Variants in SIAH3 observed in about 807,000 individuals in gnomAD.
SIAH3 encodes siah E3 ubiquitin protein ligase family member 3, also known as seven in absentia homolog 3.
Under a neutral mutation model 12.6 loss-of-function variants are expected in SIAH3, and 9 were observed. That is an observed-to-expected ratio of 0.72 (90% CI 0.43 to 1.25). SIAH3 has a LOEUF of 1.25. SIAH3 is among the 50% of genes most tolerant of loss of function. The pLI is 0.00. For synonymous variants in SIAH3, 154 were observed against 151.1 expected (o/e 1.02, Z -0.14); for missense variants, 390 against 365.4 (o/e 1.07, Z -0.55).
At chr13:45,830,850 G>A (rs190484158) in intron 1 of SIAH3, among the ~76,000 whole-genome samples, 32 of 152,140 alleles carry the variant, frequency 2.1e-4, no homozygotes, top group Non-Finnish European at 4.4e-4. Context: ...GGCAGAGGAA[G>A]GTATTTTGGG....
intron 1 of SIAH3, among the ~76,000 whole-genome samples, chr13:45,833,051 G>C (rs958923482): frequency 6.6e-6 from 1 of 152,132 alleles, no homozygotes; most frequent in African/African-American, 2.4e-5. Flanking sequence ...AGACAGAGGT[G>C]GGGGGAAACT....
At chr13:45,830,832 CAA>C (rs35603195) in intron 1 of SIAH3, among the ~76,000 whole-genome samples, 101,193 of 151,612 alleles carry the variant, frequency 0.67, 35,266 homozygotes, top group East Asian at 0.94. Context: ...AAGTACTAAC[CAA>C]AAAAAGGCAG....
rs1950498008 is a variant in SIAH3 at position 45,780,058 on chromosome 13, AG to A, written c.*3324del. On this transcript the variant is annotated 3_prime_UTR_variant, in exon 2 of 2. Transcript: ENST00000400405. ...CTGTCTCTCTAGGCCTTCTTTTAAA[AG>A]GCAATTACTCCTTAGAGAGTGAGTC... is the stretch of plus-strand genomic sequence containing the variant. 1 of 152,180 alleles carries A rather than the reference AG, an allele frequency of 6.6e-6. No homozygotes were observed. The highest frequency in any genetic ancestry group is 1.5e-5 in the Non-Finnish European group (1 of 68,016). The allele number at this position is 152,180 out of a possible 1,614,324, so 9.4% of individuals were successfully genotyped here. A position where few individuals can be genotyped will look rare whatever the true frequency, so the allele number is the denominator to read the frequency against.
At position 45,783,532 on chromosome 13, in the gene SIAH3, C is replaced by G. The variant is rs989075418; in HGVS notation, c.661G>C (p.Val221Leu). ...ATCACCGAGTCCACGCACTCAAGAA[C>G]AGACCGGGGCGTGGCCTCCCACTTG... ...RLKWEATPRS[V>L]LECVDSVITD... The change falls in exon 2 of 2, where the codon GTT becomes CTT. Residue 221 changes from valine (V) to leucine (L), a missense_variant. Val to Leu is a conservative substitution (Grantham distance 32). Coordinates refer to ENST00000400405, the MANE Select transcript of SIAH3 (RefSeq NM_198849.3). 3 of 1,614,246 alleles carry G rather than the reference C, an allele frequency of 1.9e-6. No individual in the cohort carries two copies. The highest frequency in any genetic ancestry group is 2.5e-6 in the Non-Finnish European group (3 of 1,180,038).
intron 1 of SIAH3, among the ~76,000 whole-genome samples, chr13:45,835,195 G>A (rs1220318067): frequency 2.0e-5 from 3 of 152,110 alleles, no homozygotes; most frequent in African/African-American, 4.8e-5. Context: ...CCAAACTTTG[G>A]TATTATTGTG....
chr13:45,851,518 C>G lies in SIAH3; in HGVS notation c.112G>C (p.Val38Leu). The change falls in exon 1 of 2, where the codon GTC becomes CTC. Residue 38 changes from valine to leucine, a missense_variant. By Grantham distance (32) the Val-to-Leu change is conservative. Coordinates refer to ENST00000400405, the MANE Select transcript of SIAH3 (RefSeq NM_198849.3). ...FSAAGQLVCV[V>L]NPTHNLKYVS... ...ACCTTTAGGTTGTGTGTGGGGTTGA[C>G]GACACAGACAAGTTGCCCGGCAGCG... is the stretch of plus-strand genomic sequence containing the variant. 6.2e-7 allele frequency: 1 copy of G among 1,614,068 alleles called. No homozygotes were observed. Among genetic ancestry groups the G allele is most frequent in the Non-Finnish European group, 8.5e-7 (1 of 1,180,024 alleles).
chr13:45,821,609 C>T (rs180720336), intron 1 of SIAH3, among the ~76,000 whole-genome samples: 6 of 152,264 alleles, frequency 3.9e-5, no homozygotes, highest in East Asian at 1.9e-4. Context: ...GGAAAATCAC[C>T]GTAGAGATTT....
chr13:45,783,643 A>G lies in SIAH3; in HGVS notation c.550T>C (p.Phe184Leu). The change falls in exon 2 of 2, where the codon TTT (phenylalanine) becomes CTT (leucine). Residue 184 changes from phenylalanine to leucine, a missense_variant. Transcript: ENST00000400405. ...QERHEGHPQF[F>L]ATMMLIGTPT... is the part of the protein sequence containing the mutation. ...GTCCCAATCAGCATCATGGTGGCAA[A>G]GAACTGGGGGTGCCCTTCATGCCTC... The G allele has an allele frequency of 3.7e-6, 6 of 1,614,136 alleles. No homozygotes were observed. The highest frequency in any genetic ancestry group is 8.5e-7 in the Non-Finnish European group (1 of 1,179,998).
chr13:45,851,415 G>C, intron 1 of SIAH3, 80 bp downstream of exon 1: 1 of 1,585,174 alleles, frequency 6.3e-7, no homozygotes, highest in Non-Finnish European at 8.6e-7. Flanking sequence ...GGCTGCACAC[G>C]TTCGCCGGAG....
At chr13:45,803,939 C>CTGG (rs1421793637) in intron 1 of SIAH3, among the ~76,000 whole-genome samples, 2 of 152,082 alleles carry the variant, frequency 1.3e-5, no homozygotes, top group African/African-American at 4.8e-5. Flanking sequence ...GGATATAAGA[C>CTGG]TGGTAGCAGT....
chr13:45,843,006 A>G (rs1467551131), intron 1 of SIAH3, among the ~76,000 whole-genome samples: 1 of 99,292 alleles, frequency 1.0e-5, no homozygotes, highest in Admixed American at 1.3e-4. Flanking sequence ...AGCATCTCAG[A>G]ATTGCCATTA....
At chr13:45,838,023 T>A (rs1950725027) in intron 1 of SIAH3, among the ~76,000 whole-genome samples, 1 of 152,202 alleles carries the variant, frequency 6.6e-6, no homozygotes, top group South Asian at 2.1e-4. Flanking sequence ...ACCCCCCATT[T>A]GGTGTAAATT....
At chr13:45,801,095 C>CTG (rs143126909) in intron 1 of SIAH3, among the ~76,000 whole-genome samples, 2 of 114,124 alleles carry the variant, frequency 1.8e-5, no homozygotes, top group South Asian at 5.5e-4. Flanking sequence ...TGATGGGTGG[C>CTG]GGGGGGGGGC....
At position 45,783,951 on chromosome 13, in the gene SIAH3, AGGTGGTGGTGGTGGC is replaced by A. The variant is rs1163652559; in HGVS notation, c.227_241del (p.Arg76_His80del). 1.2e-6 allele frequency: 2 copies of A among 1,601,382 alleles called. No individual in the cohort carries two copies. The highest frequency in any genetic ancestry group is 2.2e-5 in the East Asian group (1 of 44,806). On this transcript the variant is annotated inframe_deletion, in exon 2 of 2. Transcript: ENST00000400405. ...GTGGTGGGGGTGGGCGTGGTGGCGGAGGTGGTGGTGGTGGCGGTGGTGGCAGTGGTGGTGGGAGAG... is the reference window on the plus strand; with the variant it reads ...GTGGTGGGGGTGGGCGTGGTGGCGGAGGTGGTGGCAGTGGTGGTGGGAGAG...
At chr13:45,832,920 T>A (rs890974980) in intron 1 of SIAH3, among the ~76,000 whole-genome samples, 1 of 152,238 alleles carries the variant, frequency 6.6e-6, no homozygotes, top group Non-Finnish European at 1.5e-5. Flanking sequence ...CCAAGTCCTG[T>A]TGGCAATCTG....
At chr13:45,814,163 C>T (rs145486320) in intron 1 of SIAH3, among the ~76,000 whole-genome samples, 2,641 of 142,740 alleles carry the variant, frequency 0.019, 86 homozygotes, top group African/African-American at 0.065. Context: ...GGCGTGAACC[C>T]GGGAGGCGGA....
intron 1 of SIAH3, among the ~76,000 whole-genome samples, chr13:45,795,009 T>C (rs1180224004): frequency 1.3e-5 from 2 of 152,088 alleles, no homozygotes; most frequent in African/African-American, 4.8e-5. Flanking sequence ...TTATATTTCA[T>C]TTTATCTCTC....
rs1280500770 is a variant in SIAH3, at chr13:45,780,824, C to T, written c.*2559G>A. On this transcript the variant is annotated 3_prime_UTR_variant, in exon 2 of 2. Coordinates refer to ENST00000400405, the MANE Select transcript of SIAH3 (RefSeq NM_198849.3). The stretch of plus-strand genomic sequence containing the variant: ...AAGATCACTTCATGTCTTAGAACCT[C>T]TATTCTGTTAGTATATTGAGGATAC... 1.3e-5 allele frequency: 2 copies of T among 152,176 alleles called. No homozygotes were observed. The highest frequency in any genetic ancestry group is 4.8e-5 in the African/African-American group (2 of 41,452). The allele number at this position is 152,176 out of a possible 1,614,324, so 9.4% of individuals were successfully genotyped here.
chr13:45,820,458 C>A (rs1462511699), intron 1 of SIAH3, among the ~76,000 whole-genome samples: 6 of 152,126 alleles, frequency 3.9e-5, no homozygotes, highest in Admixed American at 3.3e-4. Flanking sequence ...GTGACTGGAA[C>A]CTGGTCTTCC....
Sources: gnomAD v4.1 joint callset for allele counts (sites outside exome capture counted in the v4.1 genomes callset) on GRCh38, gnomAD v4.1.1 for gene constraint, MANE v1.5 for transcripts, NCBI Gene and HGNC (gene_info 2026-07-23, HGNC 2026-07-21) for gene names.